Variants in BCKDHB observed in about 807,000 individuals in gnomAD.
BCKDHB encodes branched chain keto acid dehydrogenase E1 subunit beta.
A neutral mutation model predicts 48.5 loss-of-function variants in BCKDHB; 41 were observed. The observed-to-expected ratio is 0.85, with a 90% CI of 0.66 to 1.10. BCKDHB has a LOEUF of 1.10. BCKDHB is among the 50% of genes least tolerant of loss of function. BCKDHB has a pLI of 0.00. For synonymous variants in BCKDHB, 201 were observed against 174.8 expected (o/e 1.15, Z -1.18); for missense variants, 496 against 494.2 (o/e 1.00, Z -0.03).
At chr6:80,125,315 G>A (rs1416796233) in intron 1 of BCKDHB, among the ~76,000 whole-genome samples, 1 of 152,182 alleles carries the variant, frequency 6.6e-6, no homozygotes, top group Non-Finnish European at 1.5e-5. Flanking sequence ...ATTAGGCTTT[G>A]ACTTAAGGGA....
At chr6:80,457,472 G>T in the BCKDHB span, among the ~76,000 whole-genome samples, 1 of 152,176 alleles carries the variant, frequency 6.6e-6, no homozygotes, top group African/African-American at 2.4e-5. Context: ...AGTGTGTCCA[G>T]GCTAAATTGG....
chr6:80,148,355 A>C (rs925005185), intron 3 of BCKDHB, among the ~76,000 whole-genome samples: 6 of 152,108 alleles, frequency 3.9e-5, no homozygotes. Context: ...ATCAGTGTAG[A>C]AACCTTTCTG....
intron 3 of BCKDHB, among the ~76,000 whole-genome samples, chr6:80,152,657 G>T (rs562036375): frequency 3.3e-5 from 5 of 152,250 alleles, no homozygotes; most frequent in African/African-American, 1.2e-4. Flanking sequence ...CTTACATAAA[G>T]TTAAGAAACA....
the BCKDHB span, among the ~76,000 whole-genome samples, chr6:80,420,069 T>G: frequency 6.6e-6 from 1 of 152,180 alleles, no homozygotes; most frequent in Non-Finnish European, 1.5e-5. Flanking sequence ...TGTTTAATTG[T>G]CTATTTGTGT....
chr6:80,415,090 G>A, the BCKDHB span, among the ~76,000 whole-genome samples: 2 of 152,010 alleles, frequency 1.3e-5, no homozygotes, highest in Non-Finnish European at 2.9e-5. Flanking sequence ...GTTTAGAAAT[G>A]TTAGTGACTT....
the BCKDHB span, among the ~76,000 whole-genome samples, chr6:80,401,705 T>G: frequency 6.6e-6 from 1 of 151,774 alleles, no homozygotes; most frequent in Non-Finnish European, 1.5e-5. Flanking sequence ...TAACTAAAAT[T>G]TTGTACCCTT....
Position 80,135,500 on chromosome 6 carries a change from A to C in BCKDHB, c.343+6271A>C, listed in dbSNP as rs189091876. Reference sequence around the variant, plus strand: ...GTAAATCTGGTTTCCTAATATATTTATTAAAAATATTTTTAAAGGATTGTT... The same window carrying C: ...GTAAATCTGGTTTCCTAATATATTTCTTAAAAATATTTTTAAAGGATTGTT... On this transcript the variant is annotated intron_variant, in intron 3 of 9. Coordinates refer to ENST00000320393, the MANE Select transcript of BCKDHB (RefSeq NM_183050.4). Among the ~76,000 whole-genome samples the C allele has an allele frequency of 2.2e-3, 331 of 152,244 alleles. 2 individuals are homozygous for C. The highest frequency in any genetic ancestry group is 3.4e-3 in the Non-Finnish European group (234 of 68,024).
chr6:80,401,740 CT>C, the BCKDHB span, among the ~76,000 whole-genome samples: 1 of 151,776 alleles, frequency 6.6e-6, no homozygotes, highest in Non-Finnish European at 1.5e-5. Context: ...CAATTGCCCC[CT>C]TCCCCAAATC....
At chr6:80,328,352 G>A (rs1769146603) in intron 9 of BCKDHB, among the ~76,000 whole-genome samples, 1 of 152,130 alleles carries the variant, frequency 6.6e-6, no homozygotes, top group Non-Finnish European at 1.5e-5. Flanking sequence ...GTGGAAAAGG[G>A]AGAGCTACAC....
At chr6:80,439,073 G>A in the BCKDHB span, among the ~76,000 whole-genome samples, 1 of 152,180 alleles carries the variant, frequency 6.6e-6, no homozygotes, top group African/African-American at 2.4e-5. Flanking sequence ...GCCACATACA[G>A]AAAACATCTT....
chr6:80,132,489 C>A (rs1417019576), intron 3 of BCKDHB, among the ~76,000 whole-genome samples: 1 of 152,140 alleles, frequency 6.6e-6, no homozygotes, highest in Non-Finnish European at 1.5e-5. Flanking sequence ...CCCTCTCTCA[C>A]ATTAATTATT....
chr6:80,225,376 T>C (rs1775638232), intron 8 of BCKDHB, among the ~76,000 whole-genome samples: 1 of 152,204 alleles, frequency 6.6e-6, no homozygotes, highest in Admixed American at 6.5e-5. Flanking sequence ...GATGCACATA[T>C]GTTAGGGATG....
chr6:80,201,333 TG>T (rs1054849185), intron 7 of BCKDHB, among the ~76,000 whole-genome samples: 5 of 151,874 alleles, frequency 3.3e-5, no homozygotes, highest in African/African-American at 1.2e-4. Flanking sequence ...TGTGTGGGGG[TG>T]GGGGCGAGGA....
At chr6:80,200,032 C>T (rs1376292705) in intron 6 of BCKDHB, among the ~76,000 whole-genome samples, 3 of 139,570 alleles carry the variant, frequency 2.1e-5, no homozygotes, top group Non-Finnish European at 4.5e-5. Flanking sequence ...CCACTGCACT[C>T]CAGCCTGGGT....
intron 3 of BCKDHB, among the ~76,000 whole-genome samples, chr6:80,150,047 G>GT (rs1327449201): frequency 7.2e-5 from 11 of 151,886 alleles, no homozygotes; most frequent in Non-Finnish European, 1.5e-5. Context: ...CTAGCTTCAA[G>GT]TTTTTTCCCC....
chr6:80,389,946 A>AGGAAC, the BCKDHB span, among the ~76,000 whole-genome samples: 2 of 152,156 alleles, frequency 1.3e-5, no homozygotes, highest in African/African-American at 4.8e-5. Context: ...TTCCCGTGAC[A>AGGAAC]TTGTGTTCTG....
the BCKDHB span, among the ~76,000 whole-genome samples, chr6:80,450,844 C>A: frequency 1.3e-5 from 2 of 152,240 alleles, no homozygotes; most frequent in African/African-American, 2.4e-5. Context: ...CTTCAGAATA[C>A]AATGACTTCC....
intron 3 of BCKDHB, among the ~76,000 whole-genome samples, chr6:80,160,323 A>T (rs888069983): frequency 6.6e-6 from 1 of 151,952 alleles, no homozygotes. Flanking sequence ...CACCTGGCAG[A>T]TTTTTTGTAT....
At chr6:80,387,620 CCT>C in the BCKDHB span, among the ~76,000 whole-genome samples, 2 of 152,220 alleles carry the variant, frequency 1.3e-5, no homozygotes, top group African/African-American at 2.4e-5. Flanking sequence ...TAACATATCC[CCT>C]GTTACCTGGT....
Sources: gnomAD v4.1 joint callset for allele counts (sites outside exome capture counted in the v4.1 genomes callset) on GRCh38, gnomAD v4.1.1 for gene constraint, MANE v1.5 for transcripts, NCBI Gene and HGNC (gene_info 2026-07-23, HGNC 2026-07-21) for gene names.